Variants in NRAP observed in about 807,000 individuals in gnomAD.
NRAP encodes nebulin-related-anchoring protein.
NRAP carries 189 observed loss-of-function variants against 225.9 expected under a neutral mutation model. That is an observed-to-expected ratio of 0.84 (90% CI 0.74 to 0.94). The LOEUF (loss-of-function observed/expected upper bound fraction) is 0.94, where lower values mean the gene tolerates loss of function less well. NRAP is among the 40% of genes least tolerant of loss of function. NRAP has a pLI of 0.00. For synonymous variants in NRAP, 769 were observed against 790.7 expected (o/e 0.97, Z 0.46); for missense variants, 2,176 against 2,168.7 (o/e 1.00, Z -0.07).
rs151044259 is a variant in NRAP, at chr10:113,651,813, A to G, written c.665T>C (p.Leu222Pro). 263 of 1,608,892 alleles carry G rather than the reference A, an allele frequency of 1.6e-4. 1 individual carries two copies. The highest frequency in any genetic ancestry group is 2.0e-4 in the Non-Finnish European group (231 of 1,175,612). The stretch of plus-strand genomic sequence containing the variant: ...TCCCTCCTTTCTTACATCACTTTGA[A>G]GCTGTGCCCCAGCCTTGCTCCGTAG... ...ELLRSKAGAQ[L>P]QSDVRYTEDY... Residue 222 changes from leucine (L) to proline (P), a missense_variant, in exon 7 of 42, where the codon CTT (leucine) becomes CCT (proline). Leu to Pro is a moderately conservative substitution (Grantham distance 98). Transcript: ENST00000359988.
intron 3 of NRAP, among the ~76,000 whole-genome samples, chr10:113,662,242 T>C (rs188884279): frequency 2.2e-3 from 330 of 152,304 alleles, no homozygotes; most frequent in African/African-American, 7.6e-3. Context: ...AATCGGTATA[T>C]AATATTTGCA....
rs762050904 is a variant in NRAP, at chr10:113,605,872, A to G, written c.3808-3T>C. ...CGCCAGGACTCTTTGTATCTTGCCT[A>G]AAGTGGGAACACATGTAAATCTTTT... On this transcript the variant is annotated splice_region_variant and splice_polypyrimidine_tract_variant and intron_variant, in intron 33 of 41. Transcript: ENST00000359988. 64 of 1,606,350 alleles carry G rather than the reference A, an allele frequency of 4.0e-5. No homozygotes were observed. The highest frequency in any genetic ancestry group is 2.6e-5 in the Non-Finnish European group (31 of 1,173,594).
Position 113,590,779 on chromosome 10 carries a change from A to T in NRAP, c.4755T>A (p.Ser1585Arg). The change falls in exon 40 of 42, where the codon AGT becomes AGA. Residue 1585 changes from serine (S) to arginine (R), a missense_variant. Ser to Arg is a moderately radical substitution (Grantham distance 110). Around this residue, in one of 3 missense-constraint regions of NRAP, gnomAD observed 445 missense variants for 426.1 expected, o/e 1.04. Coordinates refer to ENST00000359988, the MANE Select transcript of NRAP (RefSeq NM_198060.4). ...KHFLNVGRLQ[S>R]DNEYKKDFAK... Reference sequence around the variant, plus strand: ...CAAAGTCCTTCTTGTACTCATTGTCACTCTGGAGCCTGCCAACGTTGAGGA... The same window carrying T: ...CAAAGTCCTTCTTGTACTCATTGTCTCTCTGGAGCCTGCCAACGTTGAGGA... 5 of 1,613,922 alleles carry T rather than the reference A, an allele frequency of 3.1e-6. No homozygotes were observed. Among genetic ancestry groups the T allele is most frequent in the Non-Finnish European group, 4.2e-6 (5 of 1,179,960 alleles).
chr10:113,593,858 A>G (rs978162363), intron 38 of NRAP, among the ~76,000 whole-genome samples: 3 of 152,222 alleles, frequency 2.0e-5, no homozygotes, highest in African/African-American at 7.2e-5. Flanking sequence ...ATCGAAGTCC[A>G]ATGTCACCCC....
chr10:113,637,894 C>A (rs921605528), intron 14 of NRAP, among the ~76,000 whole-genome samples: 4 of 150,028 alleles, frequency 2.7e-5, no homozygotes, highest in African/African-American at 9.8e-5. Context: ...TACACTCCAG[C>A]TTGAGCAACA....
intron 11 of NRAP, among the ~76,000 whole-genome samples, chr10:113,644,953 C>T (rs1849414865): frequency 6.6e-6 from 1 of 152,138 alleles, no homozygotes; most frequent in African/African-American, 2.4e-5. Flanking sequence ...GAAGAACACA[C>T]TAGGGCATGA....
intron 14 of NRAP, 27 bp from the exon 15 acceptor site, chr10:113,634,237 G>A (rs1187439479): frequency 6.8e-7 from 1 of 1,476,932 alleles, no homozygotes; most frequent in Non-Finnish European, 9.5e-7. Flanking sequence ...ACAAAAAGAT[G>A]TCATTTGCTC....
chr10:113,651,266 G>C lies in NRAP; in HGVS notation c.675+537C>G, dbSNP rs191921729. ...TCTCCCTCCCTCCACCTCCAAGCAAGGAAAGAATGAGGGATCTTAAGTGCA... is the reference window on the plus strand; with the variant it reads ...TCTCCCTCCCTCCACCTCCAAGCAACGAAAGAATGAGGGATCTTAAGTGCA... On this transcript the variant is annotated intron_variant, in intron 7 of 41. Transcript: ENST00000359988. Among the ~76,000 whole-genome samples the C allele has an allele frequency of 5.3e-5, 8 of 152,248 alleles. No individual in the cohort carries two copies. In the East Asian group the frequency reaches 1.5e-3, roughly 29 times the overall value.
chr10:113,604,100 T>C (rs1015422463), intron 35 of NRAP, among the ~76,000 whole-genome samples: 4 of 152,146 alleles, frequency 2.6e-5, no homozygotes, highest in Non-Finnish European at 5.9e-5. Context: ...GTGGCTAGTA[T>C]ACAGAAGGTG....
intron 3 of NRAP, among the ~76,000 whole-genome samples, chr10:113,660,091 A>G (rs1419354077): frequency 8.8e-6 from 1 of 113,642 alleles, no homozygotes; most frequent in Non-Finnish European, 2.1e-5. Context: ...CACACACCAT[A>G]TACACATATA....
chr10:113,592,763 G>GCCTGGCTTTGATGCC (rs1846065940), intron 38 of NRAP, among the ~76,000 whole-genome samples: 1 of 152,220 alleles, frequency 6.6e-6, no homozygotes, highest in Non-Finnish European at 1.5e-5. Context: ...AGGGGCCTCA[G>GCCTGGCTTTGATGCC]CCTGGCTTTG....
At chr10:113,652,744 T>C (rs1387183782) in intron 6 of NRAP, among the ~76,000 whole-genome samples, 191 bp downstream of exon 6, 2 of 152,218 alleles carry the variant, frequency 1.3e-5, no homozygotes, top group African/African-American at 4.8e-5. Flanking sequence ...CTGTATTTTA[T>C]AGACATGGTC....
At chr10:113,635,143 A>G (rs1848796291) in intron 14 of NRAP, among the ~76,000 whole-genome samples, 1 of 152,226 alleles carries the variant, frequency 6.6e-6, no homozygotes, top group Admixed American at 6.5e-5. Context: ...CCTTTCGAAT[A>G]TTAAGAATTA....
At chr10:113,658,777 G>A (rs1002622742) in intron 3 of NRAP, among the ~76,000 whole-genome samples, 4 of 151,462 alleles carry the variant, frequency 2.6e-5, no homozygotes, top group Non-Finnish European at 5.9e-5. Flanking sequence ...AACTACTCAG[G>A]AGGCTGAGAT....
chr10:113,590,826 C>T lies in NRAP; in HGVS notation c.4708G>A (p.Asp1570Asn), dbSNP rs771943713. The change falls in exon 40 of 42, where the codon GAT (aspartate) becomes AAT (asparagine). Residue 1570 changes from aspartate (D) to asparagine (N), a missense_variant. Asp to Asn is a conservative substitution (Grantham distance 23). Transcript: ENST00000359988. ...GLQIGYRSVDDDPRMKHFLNV... is the reference protein window; with the variant it reads ...GLQIGYRSVDNDPRMKHFLNV... ...AGGAAATGCTTCATCCTTGGGTCATCGTCGACACTGCGGTACCCGATCTGC... is the reference window on the plus strand; with the variant it reads ...AGGAAATGCTTCATCCTTGGGTCATTGTCGACACTGCGGTACCCGATCTGC... The T allele has an allele frequency of 8.6e-5, 139 of 1,614,080 alleles. No homozygotes were observed. Among genetic ancestry groups the T allele is most frequent in the Non-Finnish European group, 1.1e-4 (133 of 1,180,044 alleles).
At chr10:113,606,020 A>G in intron 33 of NRAP, 151 bp from the exon 34 acceptor site, 2 of 788,562 alleles carry the variant, frequency 2.5e-6, no homozygotes, top group Non-Finnish European at 4.4e-6. Context: ...ACACTCATGG[A>G]CTCATATTTG....
rs758032377 is a variant in NRAP at position 113,614,886 on chromosome 10, C to T, written c.3139G>A (p.Ala1047Thr). Residue 1047 changes from alanine to threonine, a missense_variant, in exon 28 of 42, where the codon GCC becomes ACC. Transcript: ENST00000359988. Reference protein sequence around the residue: ...RDGGYKLRLDALPFQAAKASG... With the variant: ...RDGGYKLRLDTLPFQAAKASG... ...GCCTTTGCTGCTTGGAATGGAAGGGCATCCAACCTCAGTTTATAGCCACCA... is the reference window on the plus strand; with the variant it reads ...GCCTTTGCTGCTTGGAATGGAAGGGTATCCAACCTCAGTTTATAGCCACCA... 5.0e-6 allele frequency: 8 copies of T among 1,613,164 alleles called. No homozygotes were observed. The African/African-American group carries it at 1.1e-4, about 22-fold the overall frequency.
chr10:113,631,736 A>C, intron 17 of NRAP, 121 bp downstream of exon 17: 2 of 882,030 alleles, frequency 2.3e-6, no homozygotes, highest in Non-Finnish European at 1.8e-6. Context: ...ACAAATCCAG[A>C]AGAAGATTAA....
At position 113,618,507 on chromosome 10, in the gene NRAP, G is replaced by C. The variant is rs545346029; in HGVS notation, c.2875-954C>G. ...CTATGGCCATTTTCCAGCTAGTTGT[G>C]ACAGAGGCAATATGACCTACAAAGC... On this transcript the variant is annotated intron_variant, in intron 25 of 41. Transcript: ENST00000359988. Among the ~76,000 whole-genome samples the C allele has an allele frequency of 2.6e-5, 4 of 152,348 alleles. No individual in the cohort carries two copies. The South Asian group carries it at 6.2e-4, about 24-fold the overall frequency.
Sources: gnomAD v4.1 joint callset for allele counts (sites outside exome capture counted in the v4.1 genomes callset) on GRCh38, gnomAD v4.1.1 for gene constraint, gnomAD v4.1.1 regional missense constraint, MANE v1.5 for transcripts, NCBI Gene and HGNC (gene_info 2026-07-23, HGNC 2026-07-21) for gene names.